The following STXBP5L variants were observed in gnomAD, a reference collection of about 807,000 sequenced individuals.
STXBP5L encodes the protein syntaxin binding protein 5L.
In STXBP5L, 65 loss-of-function variants were observed where a neutral mutation model predicts 144.5. That is an observed-to-expected ratio of 0.45 (90% CI 0.37 to 0.55). The LOEUF (loss-of-function observed/expected upper bound fraction) is 0.55. Ranked by LOEUF, STXBP5L falls within the 20% of genes least tolerant of loss-of-function variation. The pLI is 0.00. For missense variants in STXBP5L, 1,298 were observed against 1,405.5 expected (o/e 0.92, Z 1.22); for synonymous variants, 505 against 469.6 (o/e 1.08, Z -0.97).
chr3:121,327,368 A>G (rs1323044297), intron 20 of STXBP5L, among the ~76,000 whole-genome samples: 6 of 152,202 alleles, frequency 3.9e-5, no homozygotes, highest in African/African-American at 1.4e-4. Context: ...ATAAATTTGG[A>G]AAGAATGAGT....
At chr3:120,966,639 C>T (rs535856645) in intron 3 of STXBP5L, among the ~76,000 whole-genome samples, 26 of 152,266 alleles carry the variant, frequency 1.7e-4, no homozygotes, top group African/African-American at 4.8e-4. Flanking sequence ...TATTGCAGAA[C>T]AGCAAATATT....
At chr3:120,957,311 T>G (rs1313113239) in intron 3 of STXBP5L, among the ~76,000 whole-genome samples, 1 of 152,024 alleles carries the variant, frequency 6.6e-6, no homozygotes. Context: ...GTTTTTGTTA[T>G]TGATTATGTT....
intron 9 of STXBP5L, among the ~76,000 whole-genome samples, chr3:121,186,926 G>A (rs2108136351): frequency 6.6e-6 from 1 of 152,286 alleles, no homozygotes; most frequent in East Asian, 1.9e-4. Flanking sequence ...AGGTGCTGGA[G>A]AGGATGTGGA....
At chr3:121,242,171 A>T (rs1037470844) in intron 14 of STXBP5L, among the ~76,000 whole-genome samples, 1 of 152,220 alleles carries the variant, frequency 6.6e-6, no homozygotes, top group African/African-American at 2.4e-5. Context: ...CTACACAGAA[A>T]GGAAATGAAC....
chr3:121,263,840 G>A (rs956135164), intron 18 of STXBP5L, among the ~76,000 whole-genome samples: 1 of 152,164 alleles, frequency 6.6e-6, no homozygotes, highest in Non-Finnish European at 1.5e-5. Flanking sequence ...TGTTTGATTG[G>A]TGTACCTGAA....
intron 23 of STXBP5L, among the ~76,000 whole-genome samples, chr3:121,409,902 AGAGAT>A (rs1452611227): frequency 1.3e-5 from 2 of 151,698 alleles, no homozygotes; most frequent in East Asian, 3.9e-4. Context: ...TGGTTAAAAG[AGAGAT>A]GAGACAGGAA....
chr3:121,017,524 TTATG>T (rs1332383609), intron 3 of STXBP5L, among the ~76,000 whole-genome samples: 1 of 152,188 alleles, frequency 6.6e-6, no homozygotes, highest in Non-Finnish European at 1.5e-5. Flanking sequence ...GATTACATGA[TTATG>T]TAGCACATCC....
intron 5 of STXBP5L, among the ~76,000 whole-genome samples, chr3:121,058,819 G>T (rs1251203086): frequency 1.3e-5 from 2 of 148,346 alleles, no homozygotes; most frequent in African/African-American, 2.5e-5. Flanking sequence ...TTTTTGATGG[G>T]GTTGTTTTTT....
At chr3:121,050,970 G>A (rs973765149) in intron 5 of STXBP5L, among the ~76,000 whole-genome samples, 35 of 152,182 alleles carry the variant, frequency 2.3e-4, no homozygotes, top group African/African-American at 8.4e-4. Flanking sequence ...AACCAACAAA[G>A]ATCAAAAGAG....
intron 9 of STXBP5L, among the ~76,000 whole-genome samples, chr3:121,193,333 A>C (rs2047779411): frequency 1.4e-5 from 2 of 142,736 alleles, no homozygotes. Flanking sequence ...GAGGTGCTGG[A>C]AAGGATGTGG....
At position 121,314,586 on chromosome 3, in the gene STXBP5L, AGG is replaced by A. The variant is rs1559966743; in HGVS notation, c.2111-3887_2111-3886del. On this transcript the variant is annotated intron_variant, in intron 19 of 26. Transcript: ENST00000471454. ...GCTCGGCATCAGAGGGAGACCGTGG[AGG>A]GAGAGGGAGAGGGAGAGGGAGAGGG... Among the ~76,000 whole-genome samples, 5 of 394 alleles carry A rather than the reference AGG, an allele frequency of 0.013. No individual in the cohort carries two copies. The Non-Finnish European group carries it at 0.17, about 13-fold the overall frequency. The allele number at this position is 394 out of a possible 152,430, so 0.3% of individuals were successfully genotyped here. A position where few individuals can be genotyped will look rare whatever the true frequency, so the allele number is the denominator to read the frequency against.
At chr3:121,297,200 A>ATGTGTG (rs1377713743) in intron 19 of STXBP5L, among the ~76,000 whole-genome samples, 1 of 68,728 alleles carries the variant, frequency 1.5e-5, no homozygotes, top group Non-Finnish European at 3.1e-5. Flanking sequence ...ATTCTACATT[A>ATGTGTG]TATGTGTGTG....
At chr3:121,084,113 T>C (rs2042379968) in intron 5 of STXBP5L, among the ~76,000 whole-genome samples, 1 of 152,144 alleles carries the variant, frequency 6.6e-6, no homozygotes. Context: ...TTTTTTACTC[T>C]GCTCAGTTTG....
At chr3:121,336,886 A>C (rs1306558242) in intron 20 of STXBP5L, among the ~76,000 whole-genome samples, 1 of 152,204 alleles carries the variant, frequency 6.6e-6, no homozygotes, top group East Asian at 1.9e-4. Flanking sequence ...TAAAGAAAAT[A>C]TGGTACATAT....
intron 3 of STXBP5L, among the ~76,000 whole-genome samples, chr3:120,986,185 A>G (rs908031936): frequency 3.3e-5 from 5 of 151,734 alleles, no homozygotes; most frequent in Non-Finnish European, 7.4e-5. Flanking sequence ...AATTTCTTCA[A>G]ATTTGTGACT....
chr3:121,022,823 G>A (rs1347800915), intron 3 of STXBP5L, among the ~76,000 whole-genome samples: 4 of 152,114 alleles, frequency 2.6e-5, no homozygotes, highest in African/African-American at 4.8e-5. Context: ...AAAGTTGAAA[G>A]CATTCCCCCT....
chr3:121,195,686 C>T (rs570843779), intron 9 of STXBP5L, among the ~76,000 whole-genome samples: 6 of 152,266 alleles, frequency 3.9e-5, no homozygotes, highest in Admixed American at 6.5e-5. Flanking sequence ...TAATAGATTG[C>T]GTGACTCATC....
At chr3:121,393,092 T>C (rs961679399) in intron 22 of STXBP5L, among the ~76,000 whole-genome samples, 1 of 151,972 alleles carries the variant, frequency 6.6e-6, no homozygotes, top group African/African-American at 2.4e-5. Context: ...TGCCAAAGTC[T>C]ATTTTTTTAT....
At chr3:121,223,248 C>T in intron 11 of STXBP5L, 91 bp downstream of exon 11, 1 of 1,324,474 alleles carries the variant, frequency 7.6e-7, no homozygotes, top group Non-Finnish European at 1.0e-6. Context: ...TTTCAGATGT[C>T]TACTGTGGTA....
Sources: allele counts gnomAD v4.1 joint callset (sites outside exome capture counted in the v4.1 genomes callset), GRCh38; gene constraint gnomAD v4.1.1; transcripts MANE v1.5; gene names NCBI Gene and HGNC (gene_info 2026-07-23, HGNC 2026-07-21).